Variants in POFUT1 observed in about 807,000 individuals in gnomAD.
POFUT1 encodes the protein protein O-fucosyltransferase 1, also known as GDP-fucose protein O-fucosyltransferase 1.
Under a neutral mutation model 42.4 loss-of-function variants are expected in POFUT1, and 16 were observed. The observed-to-expected ratio is 0.38, with a 90% CI of 0.26 to 0.57. The LOEUF is 0.57. Ranked by LOEUF, POFUT1 falls within the 20% of genes least tolerant of loss-of-function variation. The pLI, the probability that POFUT1 is intolerant of heterozygous loss-of-function variation, is 0.71. For synonymous variants in POFUT1, 206 were observed against 205.4 expected, an observed-to-expected ratio of 1.00 and a Z score of -0.03; for missense variants, 470 against 504.6, an observed-to-expected ratio of 0.93 and a Z score of 0.66.
intron 4 of POFUT1, chr20:32,217,566 G>A (rs1288416871): frequency 3.1e-6 from 3 of 981,966 alleles, no homozygotes; most frequent in Non-Finnish European, 3.6e-6. Flanking sequence ...GAGCCATGAT[G>A]GTACCCCTGC....
At chr20:32,234,375 G>A in intron 6 of POFUT1, 98 bp from the exon 7 acceptor site, 3 of 1,127,638 alleles carry the variant, frequency 2.7e-6, no homozygotes, top group South Asian at 1.6e-5. Context: ...CTCCTTTTGT[G>A]TCTGTAACTG....
chr20:32,223,276 G>A (rs2047399400), intron 4 of POFUT1: 7 of 985,444 alleles, frequency 7.1e-6, no homozygotes, highest in Non-Finnish European at 8.4e-6. Flanking sequence ...TTTCTTTCCA[G>A]CCAAGATCCC....
At chr20:32,221,755 G>A (rs994074184) in intron 4 of POFUT1, among the ~76,000 whole-genome samples, 1 of 151,816 alleles carries the variant, frequency 6.6e-6, no homozygotes, top group African/African-American at 2.4e-5. Flanking sequence ...GGGGGTAGCA[G>A]TAGGGGACCA....
At chr20:32,210,466 A>C (rs2047321849) in intron 2 of POFUT1, among the ~76,000 whole-genome samples, 1 of 152,222 alleles carries the variant, frequency 6.6e-6, no homozygotes, top group Admixed American at 6.5e-5. Flanking sequence ...CCAAGATCAC[A>C]CAGCCTGTGA....
chr20:32,229,129 A>T (rs962576589), intron 5 of POFUT1, among the ~76,000 whole-genome samples: 1 of 152,232 alleles, frequency 6.6e-6, no homozygotes, highest in Non-Finnish European at 1.5e-5. Context: ...AGGATGTCTT[A>T]TGAGTGGCTC....
At chr20:32,223,243 C>T (rs967140495) in intron 4 of POFUT1, 20 of 985,302 alleles carry the variant, frequency 2.0e-5, no homozygotes, top group African/African-American at 5.2e-5. Context: ...GAGCAGTCAC[C>T]GGGAGGTGGT....
At chr20:32,226,435 A>C (rs1327119951) in intron 4 of POFUT1, among the ~76,000 whole-genome samples, 1 of 146,934 alleles carries the variant, frequency 6.8e-6, no homozygotes, top group East Asian at 2.0e-4. Flanking sequence ...CTTACTTCTG[A>C]GTGTGTGAGT....
rs546615988 is a variant in POFUT1 at position 32,222,789 on chromosome 20, T to C, written c.543-5474T>C. The C allele has an allele frequency of 1.2e-4, 121 of 985,454 alleles. No homozygotes were observed. In the South Asian group the frequency reaches 4.0e-3, roughly 33 times the overall value. 61.0% of individuals were successfully genotyped at this position (985,454 alleles called of 1,614,324 possible). ...TAATTCAGCTGACGCTTACTGCACA[T>C]TGACTATTGGAAGGCAATGCACCAT... is the stretch of plus-strand genomic sequence containing the variant. On this transcript the variant is annotated intron_variant, in intron 4 of 6. Transcript: ENST00000375749.
chr20:32,214,071 A>G (rs756698655), intron 2 of POFUT1, among the ~76,000 whole-genome samples: 1 of 152,060 alleles, frequency 6.6e-6, no homozygotes, highest in Non-Finnish European at 1.5e-5. Flanking sequence ...CCAAAGTGCA[A>G]GAACTTCTGT....
rs2047481265 is a variant in POFUT1, at chr20:32,238,019, G to T, written c.*3358G>T. 1 of 345,328 alleles carries T rather than the reference G, an allele frequency of 2.9e-6. No individual in the cohort carries two copies. Among genetic ancestry groups the T allele is most frequent in the Non-Finnish European group, 5.8e-6 (1 of 172,136 alleles). 21.4% of individuals were successfully genotyped at this position (345,328 alleles called of 1,614,324 possible). ...CTTAATAGTGTATCATGTTTTCCCT[G>T]TTGGTATGTAGCCTGGATAAATGCT... On this transcript the variant is annotated 3_prime_UTR_variant, in exon 7 of 7. Coordinates refer to ENST00000375749, the MANE Select transcript of POFUT1 (RefSeq NM_015352.2).
At chr20:32,230,740 C>A in intron 5 of POFUT1, 79 bp from the exon 6 acceptor site, 1 of 1,505,232 alleles carries the variant, frequency 6.6e-7, no homozygotes, top group Non-Finnish European at 9.1e-7. Context: ...TATAGCCTGT[C>A]TTTTTCCACT....
intron 5 of POFUT1, among the ~76,000 whole-genome samples, chr20:32,229,739 G>A (rs6058568): frequency 0.053 from 8,058 of 152,026 alleles, 782 homozygotes; most frequent in African/African-American, 0.18. Flanking sequence ...TGTGCCCACC[G>A]CCCAGAAAGA....
chr20:32,216,547 G>A (rs1480301461), intron 3 of POFUT1, 62 bp from the exon 4 acceptor site: 11 of 989,596 alleles, frequency 1.1e-5, no homozygotes, highest in Non-Finnish European at 1.6e-5. Flanking sequence ...CACTTCCCTG[G>A]CCCCATCCCC....
intron 3 of POFUT1, among the ~76,000 whole-genome samples, chr20:32,215,988 T>C (rs2047358097): frequency 6.6e-6 from 1 of 152,322 alleles, no homozygotes; most frequent in South Asian, 2.1e-4. Context: ...TTGGCACCAT[T>C]GTCTACCCAC....
chr20:32,238,020 T>C lies in POFUT1; in HGVS notation c.*3359T>C. The C allele has an allele frequency of 2.9e-6, 1 of 346,556 alleles. No individual in the cohort carries two copies. Among genetic ancestry groups the C allele is most frequent in the Non-Finnish European group, 5.8e-6 (1 of 172,834 alleles). 21.5% of individuals were successfully genotyped at this position (346,556 alleles called of 1,614,324 possible). A position where few individuals can be genotyped will look rare whatever the true frequency, so the allele number is the denominator to read the frequency against. ...TTAATAGTGTATCATGTTTTCCCTG[T>C]TGGTATGTAGCCTGGATAAATGCTC... On this transcript the variant is annotated 3_prime_UTR_variant, in exon 7 of 7. Transcript: ENST00000375749.
At chr20:32,226,213 T>C (rs2047414149) in intron 4 of POFUT1, among the ~76,000 whole-genome samples, 1 of 152,238 alleles carries the variant, frequency 6.6e-6, no homozygotes, top group Non-Finnish European at 1.5e-5. Context: ...TGTATTTGCC[T>C]GGATGGTTTG....
chr20:32,209,966 G>A (rs1018573502), intron 1 of POFUT1, 105 bp from the exon 2 acceptor site: 3 of 1,246,512 alleles, frequency 2.4e-6, no homozygotes, highest in South Asian at 2.6e-5. Context: ...GTTCTCCTTG[G>A]TATCCCTGAC....
At position 32,234,924 on chromosome 20, in the gene POFUT1, CA is replaced by C. The variant is rs1313588437; in HGVS notation, c.*264del. On this transcript the variant is annotated 3_prime_UTR_variant, in exon 7 of 7. Transcript: ENST00000375749. ...CTGGGAATTTCTCACACTGGCAAAG[CA>C]GTCCAGCCTCCGTCTTCTGGTCCAC... The C allele has an allele frequency of 3.6e-4, 142 of 391,210 alleles. 3 individuals carry two copies. In the East Asian group the frequency reaches 5.5e-3, roughly 15 times the overall value. 24.2% of individuals were successfully genotyped at this position (391,210 alleles called of 1,614,324 possible). A position where few individuals can be genotyped will look rare whatever the true frequency, so the allele number is the denominator to read the frequency against.
chr20:32,237,502 G>A lies in POFUT1; in HGVS notation c.*2841G>A, dbSNP rs1380811277. On this transcript the variant is annotated 3_prime_UTR_variant, in exon 7 of 7. Transcript: ENST00000375749. ...CACGTGCAAAGGCCCCGAGACTGGA[G>A]TGTGTTCCTGAAGAGCAGCCAGGAG... 2 of 217,946 alleles carry A rather than the reference G, an allele frequency of 9.2e-6. No individual in the cohort carries two copies. Among genetic ancestry groups the A allele is most frequent in the East Asian group, 2.0e-4 (2 of 9,998 alleles). 13.5% of individuals were successfully genotyped at this position (217,946 alleles called of 1,614,324 possible). A position where few individuals can be genotyped will look rare whatever the true frequency, so the allele number is the denominator to read the frequency against.
Sources: allele counts gnomAD v4.1 joint callset (sites outside exome capture counted in the v4.1 genomes callset), GRCh38; gene constraint gnomAD v4.1.1; transcripts MANE v1.5; gene names NCBI Gene and HGNC (gene_info 2026-07-23, HGNC 2026-07-21).